Variants in EIF4E3 observed in about 807,000 individuals in gnomAD.
The protein encoded by EIF4E3 is eukaryotic translation initiation factor 4E type 3.
EIF4E3 carries 26 observed loss-of-function variants against 31.7 expected under a neutral mutation model. The ratio of observed to expected loss-of-function variants is 0.82; its 90% CI spans 0.60 to 1.14. EIF4E3 has a LOEUF of 1.14. EIF4E3 is among the 50% of genes most tolerant of loss of function. The probability of loss-of-function intolerance (pLI) is 0.00; values close to 1 mark genes in which losing one functional copy is unlikely to be tolerated. For synonymous variants in EIF4E3, 128 were observed against 107.7 expected, an observed-to-expected ratio of 1.19 and a Z score of -1.17; for missense variants, 304 against 270.9, an observed-to-expected ratio of 1.12 and a Z score of -0.86.
At chr3:71,752,624 G>A (rs1457601445) in intron 1 of EIF4E3, among the ~76,000 whole-genome samples, 1 of 152,152 alleles carries the variant, frequency 6.6e-6, no homozygotes, top group Non-Finnish European at 1.5e-5. Context: ...TAAGCACTGG[G>A]GATGCAGTGG....
chr3:71,691,703 C>A (rs1034687315), intron 5 of EIF4E3, among the ~76,000 whole-genome samples: 1 of 152,152 alleles, frequency 6.6e-6, no homozygotes, highest in South Asian at 2.1e-4. Context: ...GTATATATGC[C>A]ACATTTAAAC....
At position 71,712,644 on chromosome 3, in the gene EIF4E3, G is replaced by GGC. The variant is rs35405190; in HGVS notation, c.177-2161_177-2160insGC. ...TGTGTGTTGCGGGGGGTGGGCGGGG[G>GGC]AGATTCTAGGGCTCAAAGGGAGGAA... On this transcript the variant is annotated intron_variant, in intron 1 of 6. Transcript: ENST00000425534. 4.3e-3 allele frequency among the ~76,000 whole-genome samples: 528 copies of GGC among 124,056 alleles called. 4 individuals carry two copies. The highest frequency in any genetic ancestry group is 5.4e-3 in the Non-Finnish European group (331 of 61,042). 81.4% of individuals were successfully genotyped at this position (124,056 alleles called of 152,430 possible).
At chr3:71,700,177 A>AAAAAAC (rs1446778068) in intron 2 of EIF4E3, among the ~76,000 whole-genome samples, 3 of 152,184 alleles carry the variant, frequency 2.0e-5, no homozygotes, top group African/African-American at 7.2e-5. Flanking sequence ...CCCTGCCTCA[A>AAAAAAC]AAAAACAAAA....
intron 1 of EIF4E3, among the ~76,000 whole-genome samples, chr3:71,742,485 T>C (rs1472266977): frequency 6.6e-6 from 1 of 152,080 alleles, no homozygotes; most frequent in Non-Finnish European, 1.5e-5. Context: ...AAATGAAATA[T>C]ATAGTTAAAA....
intron 6 of EIF4E3, among the ~76,000 whole-genome samples, chr3:71,686,146 C>T (rs1244362528): frequency 1.3e-5 from 2 of 152,002 alleles, no homozygotes; most frequent in Non-Finnish European, 2.9e-5. Context: ...CCACCATGCC[C>T]GGCTAACTTT....
At chr3:71,710,648 C>T (rs140267030) in intron 1 of EIF4E3, among the ~76,000 whole-genome samples, 164 bp from the exon 2 acceptor site, 13 of 152,206 alleles carry the variant, frequency 8.5e-5, no homozygotes, top group African/African-American at 3.1e-4. Flanking sequence ...GAAATCCCTA[C>T]TTTGTGAAGT....
intron 1 of EIF4E3, among the ~76,000 whole-genome samples, chr3:71,739,555 G>A (rs1349412418): frequency 6.6e-6 from 1 of 152,082 alleles, no homozygotes; most frequent in Non-Finnish European, 1.5e-5. Context: ...AAATTAACCA[G>A]GTGTGGTGGC....
intron 6 of EIF4E3, among the ~76,000 whole-genome samples, chr3:71,685,728 G>A (rs1016664960): frequency 2.0e-5 from 3 of 152,190 alleles, no homozygotes; most frequent in African/African-American, 7.2e-5. Flanking sequence ...GTTTTTTAAA[G>A]TAGAAGATGC....
intron 1 of EIF4E3, among the ~76,000 whole-genome samples, chr3:71,737,547 T>C (rs1345684419): frequency 6.6e-6 from 1 of 151,922 alleles, no homozygotes; most frequent in East Asian, 1.9e-4. Flanking sequence ...ACAAAAAACA[T>C]GAAGAAAATC....
intron 4 of EIF4E3, among the ~76,000 whole-genome samples, chr3:71,695,546 C>A (rs1234340452): frequency 6.6e-6 from 1 of 152,152 alleles, no homozygotes; most frequent in African/African-American, 2.4e-5. Context: ...CTCTTATATT[C>A]TCTGCTGCCC....
intron 3 of EIF4E3, among the ~76,000 whole-genome samples, chr3:71,698,435 G>A (rs2049170340): frequency 6.6e-6 from 1 of 152,168 alleles, no homozygotes; most frequent in Admixed American, 6.5e-5. Flanking sequence ...TCCCTGTGGG[G>A]GACATCTGCT....
intron 1 of EIF4E3, among the ~76,000 whole-genome samples, chr3:71,747,243 C>G (rs2049883359): frequency 6.6e-6 from 1 of 152,196 alleles, no homozygotes; most frequent in Non-Finnish European, 1.5e-5. Flanking sequence ...TCCACCCCCA[C>G]CAGCATCATC....
downstream of EIF4E3, among the ~76,000 whole-genome samples, chr3:71,674,910 A>C (rs534893113): frequency 6.6e-6 from 1 of 152,344 alleles, no homozygotes; most frequent in East Asian, 1.9e-4. Flanking sequence ...GCACAAGCGA[A>C]TAGAATTTCA....
At chr3:71,693,835 C>A in intron 5 of EIF4E3, 40 bp downstream of exon 5, 2 of 1,480,652 alleles carry the variant, frequency 1.4e-6, no homozygotes, top group Admixed American at 2.6e-5. Flanking sequence ...AAGCCAGGAG[C>A]ACACGAGGCA....
chr3:71,752,447 A>G (rs1189355439), intron 1 of EIF4E3, among the ~76,000 whole-genome samples: 1 of 152,190 alleles, frequency 6.6e-6, no homozygotes, highest in African/African-American at 2.4e-5. Context: ...TCGACTTCTT[A>G]GCCTGATCAT....
intron 2 of EIF4E3, among the ~76,000 whole-genome samples, chr3:71,703,190 CAT>C (rs2049242276): frequency 6.6e-6 from 1 of 152,152 alleles, no homozygotes; most frequent in South Asian, 2.1e-4. Context: ...CATCTGTGAC[CAT>C]CAGTTGTGAA....
the EIF4E3 span, among the ~76,000 whole-genome samples, chr3:71,663,332 G>C: frequency 6.6e-6 from 1 of 152,130 alleles, no homozygotes; most frequent in Non-Finnish European, 1.5e-5. Context: ...CTGTAACACA[G>C]AAAGTAAATA....
chr3:71,671,183 G>A (rs2048845543), downstream of EIF4E3, among the ~76,000 whole-genome samples: 1 of 152,122 alleles, frequency 6.6e-6, no homozygotes. Context: ...CCATAGAGGA[G>A]GCTAAAAGAA....
downstream of EIF4E3, among the ~76,000 whole-genome samples, chr3:71,670,668 A>C (rs2048842940): frequency 6.6e-6 from 1 of 152,208 alleles, no homozygotes; most frequent in Admixed American, 6.5e-5. Flanking sequence ...TGTAGAATGG[A>C]ATTTTAAAAC....
Sources: gnomAD v4.1 joint callset for allele counts (sites outside exome capture counted in the v4.1 genomes callset) on GRCh38, gnomAD v4.1.1 for gene constraint, MANE v1.5 for transcripts, NCBI Gene and HGNC (gene_info 2026-07-23, HGNC 2026-07-21) for gene names.